Variants in TLK2 observed in about 807,000 individuals in gnomAD.
The protein encoded by TLK2 is serine/threonine-protein kinase tousled-like 2.
TLK2 carries 6 observed loss-of-function variants against 117.3 expected under a neutral mutation model. The observed-to-expected ratio is 0.05, with a 90% CI of 0.03 to 0.10. The LOEUF (loss-of-function observed/expected upper bound fraction) is 0.10. Among genes scored for constraint, TLK2 ranks in the 10% least tolerant of loss-of-function variants. TLK2 has a pLI of 1.00. For synonymous variants in TLK2, 257 were observed against 316.7 expected (o/e 0.81, Z 2.00); for missense variants, 299 against 901.2 (o/e 0.33, Z 8.56).
At chr17:62,530,046 A>C (rs961468926) in intron 6 of TLK2, among the ~76,000 whole-genome samples, 1 of 151,992 alleles carries the variant, frequency 6.6e-6, no homozygotes, top group African/African-American at 2.4e-5. Context: ...TGTACGAGGC[A>C]GGCAAATCAT....
rs189979654 is a variant in TLK2, at chr17:62,606,320, G to C, written c.1971+79G>C. The C allele has an allele frequency of 3.9e-5, 28 of 725,788 alleles. No individual in the cohort carries two copies. The African/African-American group carries it at 3.9e-4, about 10-fold the overall frequency. The allele number at this position is 725,788 out of a possible 1,614,324, so 45.0% of individuals were successfully genotyped here. A position where few individuals can be genotyped will look rare whatever the true frequency, so the allele number is the denominator to read the frequency against. ...ACACACAGTGCCTTGGTATGGATTA[G>C]TCTATTGGAGTTAATTATTGGGTTA... On this transcript the variant is annotated intron_variant, in intron 20 of 21. Coordinates refer to ENST00000346027, the MANE Select transcript of TLK2 (RefSeq NM_006852.6).
rs1244748406 is a variant in TLK2, at chr17:62,540,240, C to T, written c.531+3903C>T. 2.0e-5 allele frequency among the ~76,000 whole-genome samples: 3 copies of T among 149,304 alleles called. No homozygotes were observed. The East Asian group carries it at 6.0e-4, about 30-fold the overall frequency. On this transcript the variant is annotated intron_variant, in intron 7 of 21. Transcript: ENST00000346027. ...GGTGTGGGCCACCGTGCCTGACTTC[C>T]ACAGCCTTCTACATCTCAATAACTG...
chr17:62,522,300 G>A (rs749708812), intron 4 of TLK2, 27 bp downstream of exon 4: 307 of 1,602,338 alleles, frequency 1.9e-4, no homozygotes, highest in Non-Finnish European at 2.6e-4. Context: ...ATCAACAAAA[G>A]TACTCAATTC....
chr17:62,536,533 C>A (rs545188852), intron 7 of TLK2, among the ~76,000 whole-genome samples, 196 bp downstream of exon 7: 128 of 152,124 alleles, frequency 8.4e-4, no homozygotes, highest in Admixed American at 2.8e-3. Flanking sequence ...TTCCCAGTCT[C>A]CCTTGGTTCA....
chr17:62,484,992 C>T (rs1290494381), intron 2 of TLK2, among the ~76,000 whole-genome samples: 1 of 152,146 alleles, frequency 6.6e-6, no homozygotes, highest in Non-Finnish European at 1.5e-5. Context: ...GGAGGCGGGG[C>T]TTGCAGTGAG....
chr17:62,609,495 G>T (rs1366662065), intron 21 of TLK2, among the ~76,000 whole-genome samples: 1 of 152,212 alleles, frequency 6.6e-6, no homozygotes, highest in Admixed American at 6.5e-5. Context: ...TAGCTGCCAT[G>T]TCACAGGGTA....
chr17:62,535,610 T>TA (rs1164027090), intron 6 of TLK2, among the ~76,000 whole-genome samples: 1 of 151,460 alleles, frequency 6.6e-6, no homozygotes, highest in Non-Finnish European at 1.5e-5. Flanking sequence ...CTACTAAAAA[T>TA]ACAAAAAAAT....
chr17:62,559,009 CT>C (rs1191683310), intron 9 of TLK2, among the ~76,000 whole-genome samples: 3 of 151,872 alleles, frequency 2.0e-5, no homozygotes, highest in Non-Finnish European at 4.4e-5. Flanking sequence ...GAGCTGAGAT[CT>C]TTTTTTTAAC....
chr17:62,592,241 G>C (rs1040292431), intron 16 of TLK2, among the ~76,000 whole-genome samples: 10 of 152,134 alleles, frequency 6.6e-5, no homozygotes, highest in Non-Finnish European at 1.0e-4. Flanking sequence ...TTATAGGCAC[G>C]AGCCACTGCG....
rs564268955 is a variant in TLK2, at chr17:62,533,892, CTTCTT to C, written c.364-2274_364-2270del. On this transcript the variant is annotated intron_variant, in intron 6 of 21. Transcript: ENST00000346027. ...TTTATATATGATAAAAGGTAGGAAT[CTTCTT>C]TTCCCTTTTTTTCTAATATCTGCAC... Among the ~76,000 whole-genome samples the C allele has an allele frequency of 6.6e-4, 100 of 152,206 alleles. 1 individual carries two copies. In the South Asian group the frequency reaches 0.021, roughly 31 times the overall value.
rs1239411251 is a variant in TLK2 at position 62,520,838 on chromosome 17, A to G, written c.147A>G (p.Glu49=). 6.2e-7 allele frequency: 1 copy of G among 1,613,040 alleles called. No individual in the cohort carries two copies. The highest frequency in any genetic ancestry group is 1.7e-5 in the Admixed American group (1 of 59,966). ...GCGTCGGATCCTTGAGTGATAAAGA[A>G]GTAGAGGTAAGAAGCTATGTTCATG... is the stretch of plus-strand genomic sequence containing the variant. The part of the protein sequence containing the change: ...LCSVGSLSDK[E]VETPEKKQND... The change falls in exon 3 of 22, where the codon GAA becomes GAG. Residue 49 remains glutamate, a synonymous_variant. Coordinates refer to ENST00000346027, the MANE Select transcript of TLK2 (RefSeq NM_006852.6).
intron 7 of TLK2, among the ~76,000 whole-genome samples, chr17:62,546,360 T>A (rs1342553771): frequency 2.0e-5 from 2 of 98,860 alleles, no homozygotes; most frequent in African/African-American, 7.0e-5. Context: ...TTTTTTTTTT[T>A]ACATAATGAA....
At chr17:62,561,792 T>C (rs2079300571) in intron 10 of TLK2, among the ~76,000 whole-genome samples, 2 of 152,206 alleles carry the variant, frequency 1.3e-5, no homozygotes, top group African/African-American at 4.8e-5. Context: ...ATAAAATATA[T>C]GCTAATCCAG....
At chr17:62,535,126 G>C (rs1468530089) in intron 6 of TLK2, among the ~76,000 whole-genome samples, 1 of 152,046 alleles carries the variant, frequency 6.6e-6, no homozygotes, top group Non-Finnish European at 1.5e-5. Flanking sequence ...GACTTCAAGT[G>C]ATCCGCCTGC....
chr17:62,543,281 T>C (rs2077668720), intron 7 of TLK2, among the ~76,000 whole-genome samples: 1 of 152,244 alleles, frequency 6.6e-6, no homozygotes, highest in African/African-American at 2.4e-5. Context: ...TTGTTTCCAC[T>C]TCTTGGCTAT....
At chr17:62,478,559 C>G (rs1039181656), upstream of TLK2, among the ~76,000 whole-genome samples, 1 of 150,188 alleles carries the variant, frequency 6.7e-6, no homozygotes, top group Admixed American at 6.6e-5. Context: ...GCCGGCGCCG[C>G]CCGTCGCCCG....
At chr17:62,542,159 TGAG>T (rs1235575390) in intron 7 of TLK2, among the ~76,000 whole-genome samples, 2 of 152,170 alleles carry the variant, frequency 1.3e-5, no homozygotes, top group African/African-American at 4.8e-5. Flanking sequence ...CGCAAGAAAT[TGAG>T]GAGATGGAGA....
intron 12 of TLK2, 77 bp from the exon 13 acceptor site, chr17:62,576,632 A>G: frequency 1.9e-6 from 2 of 1,074,066 alleles, no homozygotes; most frequent in South Asian, 1.3e-5. Context: ...GTCTTATAGT[A>G]TATTTGAGCA....
At chr17:62,585,822 G>A (rs548065661) in intron 15 of TLK2, 2 of 205,852 alleles carry the variant, frequency 9.7e-6, no homozygotes, top group Non-Finnish European at 2.0e-5. Flanking sequence ...AGGCAGACGG[G>A]TCCCAGACAG....
Sources: allele counts gnomAD v4.1 joint callset (sites outside exome capture counted in the v4.1 genomes callset), GRCh38; gene constraint gnomAD v4.1.1; transcripts MANE v1.5; gene names NCBI Gene and HGNC (gene_info 2026-07-23, HGNC 2026-07-21).